The following CHERP variants were observed in gnomAD, a reference collection of about 807,000 sequenced individuals.
CHERP encodes ERPROT 213-21.
Under a neutral mutation model 113.8 loss-of-function variants are expected in CHERP, and 8 were observed. The ratio of observed to expected loss-of-function variants is 0.07; its 90% CI spans 0.04 to 0.13. The LOEUF (loss-of-function observed/expected upper bound fraction) is 0.13. CHERP is among the 10% of genes least tolerant of loss of function. The probability of loss-of-function intolerance (pLI) is 1.00; values close to 1 mark genes in which losing one functional copy is unlikely to be tolerated. For missense variants in CHERP, 884 were observed against 1,298.2 expected (o/e 0.68, Z 4.90); for synonymous variants, 559 against 524.5 (o/e 1.07, Z -0.90).
intron 1 of CHERP, 119 bp downstream of exon 1, chr19:16,542,235 G>A (rs2085785481): frequency 3.6e-6 from 4 of 1,125,912 alleles, no homozygotes; most frequent in South Asian, 3.9e-5. Flanking sequence ...AGAGGCCGCA[G>A]GCGAAGCCGC....
At position 16,519,095 on chromosome 19, in the gene CHERP, A is replaced by C. The variant is rs1233200284; in HGVS notation, c.*64T>G. On this transcript the variant is annotated 3_prime_UTR_variant, in exon 17 of 17. Transcript: ENST00000546361. The surrounding 1 kb of genome is among the most constrained non-coding windows in gnomAD (Gnocchi z 6.0). ...GCTGTCACTGCAATCTTCCTCTGCC[A>C]GTCAGCCAGGAAGGTCCCACAGCCG... 2 of 1,432,854 alleles carry C rather than the reference A, an allele frequency of 1.4e-6. No homozygotes were observed. Among genetic ancestry groups the C allele is most frequent in the African/African-American group, 2.9e-5 (2 of 70,156 alleles). The allele number at this position is 1,432,854 out of a possible 1,614,324, so 88.8% of individuals were successfully genotyped here. A position where few individuals can be genotyped will look rare whatever the true frequency, so the allele number is the denominator to read the frequency against.
chr19:16,537,818 C>T (rs540299488), intron 2 of CHERP, among the ~76,000 whole-genome samples: 3 of 152,286 alleles, frequency 2.0e-5, no homozygotes, highest in Non-Finnish European at 2.9e-5. Flanking sequence ...CCCTGGGCTA[C>T]CCAGCGGTGA....
chr19:16,520,240 TGGA>T lies in CHERP; in HGVS notation c.2368_2370del (p.Ser790del). 1 of 1,613,416 alleles carries T rather than the reference TGGA, an allele frequency of 6.2e-7. No homozygotes were observed. Among genetic ancestry groups the T allele is most frequent in the Non-Finnish European group, 8.5e-7 (1 of 1,180,008 alleles). ...CGCGACTGGGACCGGGAGCGGCTTC[TGGA>T]GGAGCGCGACCTGCTCCGACTTCTG... On this transcript the variant is annotated inframe_deletion, in exon 15 of 17. Coordinates refer to ENST00000546361, the MANE Select transcript of CHERP (RefSeq NM_006387.6). This position sits in a 1 kb window ranked among gnomAD's most constrained non-coding sequence, Gnocchi z 4.0.
intron 11 of CHERP, 121 bp from the exon 12 acceptor site, chr19:16,521,775 C>A: frequency 1.1e-6 from 1 of 895,276 alleles, no homozygotes; most frequent in South Asian, 2.5e-5. Context: ...ACCCTGGGCA[C>A]CAGAGCTCCT....
At position 16,542,033 on chromosome 19, in the gene CHERP, A is replaced by C. The variant is rs1344698400; in HGVS notation, c.36T>G (p.Leu12=). The change falls in exon 2 of 17, where the codon CTT becomes CTG. Residue 12 remains leucine, a synonymous_variant. Coordinates refer to ENST00000546361, the MANE Select transcript of CHERP (RefSeq NM_006387.6). ...GGGCGAGCTTGTCGATGACATTTCG[A>C]AGCTCCTGGTCTGGAGGACGGAGAA... The part of the protein sequence containing the change: ...EMPLPPDDQE[L]RNVIDKLAQF... 2 of 1,613,080 alleles carry C rather than the reference A, an allele frequency of 1.2e-6. No homozygotes were observed. The highest frequency in any genetic ancestry group is 2.2e-5 in the South Asian group (2 of 91,020).
intron 2 of CHERP, among the ~76,000 whole-genome samples, chr19:16,536,905 G>C (rs1039837054): frequency 3.3e-5 from 5 of 152,188 alleles, no homozygotes; most frequent in Non-Finnish European, 5.9e-5. Context: ...CCAGCTACCT[G>C]AGAGGCTGAG....
rs1162212267 is a variant in CHERP at position 16,535,882 on chromosome 19, C to A, written c.200-246G>T. ...CCCCTCCTCGGAGAACCTAGGAAGT[C>A]CCCTGGCCGCTCTCTCGCCAGCACC... On this transcript the variant is annotated intron_variant, in intron 2 of 16. Coordinates refer to ENST00000546361, the MANE Select transcript of CHERP (RefSeq NM_006387.6). The surrounding 1 kb of genome is among the most constrained non-coding windows in gnomAD (Gnocchi z 4.3). Among the ~76,000 whole-genome samples, 1 of 152,192 alleles carries A rather than the reference C, an allele frequency of 6.6e-6. No homozygotes were observed. Among genetic ancestry groups the A allele is most frequent in the African/African-American group, 2.4e-5 (1 of 41,450 alleles).
At chr19:16,541,823 G>A (rs775151458) in intron 2 of CHERP, 47 bp downstream of exon 2, 4 of 1,581,362 alleles carry the variant, frequency 2.5e-6, no homozygotes, top group East Asian at 2.2e-5. Flanking sequence ...TGGAATCCGA[G>A]AAAGGAAGCG....
intron 2 of CHERP, 88 bp downstream of exon 2, chr19:16,541,782 G>T: frequency 7.2e-7 from 1 of 1,384,932 alleles, no homozygotes. Flanking sequence ...TAAACGACCC[G>T]AAAGAAAGAG....
chr19:16,525,784 C>G lies in CHERP; in HGVS notation c.1306-107G>C. The stretch of plus-strand genomic sequence containing the variant: ...AGCGCTGGCTCAGACCATGGAGGCG[C>G]TGCCCTGGCCACGTTGAGGCGCCTC... On this transcript the variant is annotated intron_variant, in intron 9 of 16. Coordinates refer to ENST00000546361, the MANE Select transcript of CHERP (RefSeq NM_006387.6). This position sits in a 1 kb window ranked among gnomAD's most constrained non-coding sequence, Gnocchi z 6.5. The G allele has an allele frequency of 9.1e-7, 1 of 1,098,776 alleles. No homozygotes were observed. Among genetic ancestry groups the G allele is most frequent in the African/African-American group, 1.6e-5 (1 of 60,654 alleles). The allele number at this position is 1,098,776 out of a possible 1,614,324, so 68.1% of individuals were successfully genotyped here.
intron 9 of CHERP, among the ~76,000 whole-genome samples, chr19:16,527,188 A>C (rs964549334): frequency 2.0e-5 from 3 of 152,130 alleles, no homozygotes; most frequent in African/African-American, 7.2e-5. Context: ...GCCTGGAGAC[A>C]CTAAGGGCCT....
chr19:16,540,499 A>G (rs2085771489), intron 2 of CHERP, among the ~76,000 whole-genome samples: 1 of 150,830 alleles, frequency 6.6e-6, no homozygotes, highest in Admixed American at 6.6e-5. Flanking sequence ...CAGCCTCTCC[A>G]GTAGCTGGGA....
At chr19:16,522,506 G>A (rs1469413521) in intron 11 of CHERP, among the ~76,000 whole-genome samples, 2 of 152,136 alleles carry the variant, frequency 1.3e-5, no homozygotes, top group African/African-American at 2.4e-5. Flanking sequence ...TGATCCGCCC[G>A]CCTCGGCCTC....
In CHERP at chr19:16,519,831, C is replaced by T; in HGVS notation, c.2463-116G>A. 1.1e-6 allele frequency: 1 copy of T among 921,110 alleles called. No homozygotes were observed. Among genetic ancestry groups the T allele is most frequent in the Non-Finnish European group, 1.8e-6 (1 of 560,086 alleles). 57.1% of individuals were successfully genotyped at this position (921,110 alleles called of 1,614,324 possible). The stretch of plus-strand genomic sequence containing the variant: ...GCATGCTCACTGTCACCAGGTGACA[C>T]CGTATGCAGATTTTGCGTCTCTACC... On this transcript the variant is annotated intron_variant, in intron 15 of 16. Transcript: ENST00000546361. This position sits in a 1 kb window ranked among gnomAD's most constrained non-coding sequence, Gnocchi z 6.0.
rs2085592128 is a variant in CHERP, at chr19:16,519,880, A to G, written c.2463-165T>C. ...CCCGTTTATCCTGTCTCAGCTAGAT[A>G]AGGGGGCTCCAGACGCTGGCCCCCA... On this transcript the variant is annotated intron_variant, in intron 15 of 16. Coordinates refer to ENST00000546361, the MANE Select transcript of CHERP (RefSeq NM_006387.6). The surrounding 1 kb of genome is among the most constrained non-coding windows in gnomAD (Gnocchi z 6.0). The G allele has an allele frequency of 5.7e-6, 4 of 703,030 alleles. No homozygotes were observed. The Admixed American group carries it at 9.4e-5, about 16-fold the overall frequency. 43.5% of individuals were successfully genotyped at this position (703,030 alleles called of 1,614,324 possible).
At chr19:16,521,004 G>T (rs2085609059) in intron 12 of CHERP, 92 bp from the exon 13 acceptor site, 2 of 1,104,318 alleles carry the variant, frequency 1.8e-6, no homozygotes, top group Middle Eastern at 2.0e-4. Flanking sequence ...ACAGAACCTT[G>T]GAGAGTACAT....
rs769062797 is a variant in CHERP at position 16,518,835 on chromosome 19, T to A, written c.*324A>T. The A allele has an allele frequency of 9.6e-5, 33 of 344,138 alleles. No individual in the cohort carries two copies. The highest frequency in any genetic ancestry group is 1.5e-4 in the Non-Finnish European group (28 of 185,740). The allele number at this position is 344,138 out of a possible 1,614,324, so 21.3% of individuals were successfully genotyped here. ...AGGCTTCAATCTGACTTAGGGCAGA[T>A]GCACATCCATCCCTTCGTGGCTGAA... On this transcript the variant is annotated 3_prime_UTR_variant, in exon 17 of 17. Transcript: ENST00000546361.
At chr19:16,534,288 G>T (rs2085727138) in intron 3 of CHERP, among the ~76,000 whole-genome samples, 1 of 152,134 alleles carries the variant, frequency 6.6e-6, no homozygotes, top group Non-Finnish European at 1.5e-5. Flanking sequence ...CTGACCCTGT[G>T]ATCCGCCTGC....
In CHERP at chr19:16,532,196, CGTGT is replaced by C. The variant is rs1213553732; in HGVS notation, c.674+398_674+401del. ...ATGGCTGAGCAAAGTCAGGTGACCG[CGTGT>C]GTGTGCGTGCAAATCAGTGACGAGG... On this transcript the variant is annotated intron_variant, in intron 5 of 16. Coordinates refer to ENST00000546361, the MANE Select transcript of CHERP (RefSeq NM_006387.6). The surrounding 1 kb of genome is among the most constrained non-coding windows in gnomAD (Gnocchi z 4.4). The C allele has an allele frequency of 5.6e-6, 1 of 178,934 alleles. No individual in the cohort carries two copies. Among genetic ancestry groups the C allele is most frequent in the Admixed American group, 5.6e-5 (1 of 17,936 alleles). The allele number at this position is 178,934 out of a possible 1,614,324, so 11.1% of individuals were successfully genotyped here.
Sources: gnomAD v4.1 joint callset for allele counts (sites outside exome capture counted in the v4.1 genomes callset) on GRCh38, gnomAD v4.1.1 for gene constraint, Gnocchi (gnomAD v3.1) non-coding constraint, MANE v1.5 for transcripts, NCBI Gene and HGNC (gene_info 2026-07-23, HGNC 2026-07-21) for gene names.